Variants in EPHA4 observed in about 807,000 individuals in gnomAD.
The protein encoded by EPHA4 is EPH receptor A4.
EPHA4 carries 19 observed loss-of-function variants against 108.3 expected under a neutral mutation model. That is an observed-to-expected ratio of 0.18 (90% CI 0.12 to 0.26). The LOEUF (loss-of-function observed/expected upper bound fraction) is 0.26, where lower values mean the gene tolerates loss of function less well. Ranked by LOEUF, EPHA4 falls within the 10% of genes least tolerant of loss-of-function variation. The pLI, the probability that EPHA4 is intolerant of heterozygous loss-of-function variation, is 1.00. For synonymous variants in EPHA4, 449 were observed against 455.5 expected (o/e 0.99, Z 0.18); for missense variants, 917 against 1,254.0 (o/e 0.73, Z 4.06).
intron 7 of EPHA4, among the ~76,000 whole-genome samples, chr2:221,455,896 G>T (rs1257431580): frequency 6.6e-6 from 1 of 152,022 alleles, no homozygotes; most frequent in Non-Finnish European, 1.5e-5. Context: ...TAATTTCAAA[G>T]GATGTCAATC....
chr2:221,467,360 AC>A (rs1327654990), intron 5 of EPHA4, among the ~76,000 whole-genome samples: 1 of 152,200 alleles, frequency 6.6e-6, no homozygotes, highest in African/African-American at 2.4e-5. Flanking sequence ...AGGTTATAAA[AC>A]AAACACAAAT....
At chr2:221,516,199 G>C (rs1418341496) in intron 3 of EPHA4, among the ~76,000 whole-genome samples, 1 of 152,116 alleles carries the variant, frequency 6.6e-6, no homozygotes, top group African/African-American at 2.4e-5. Context: ...TCTGTGAAAA[G>C]GGGACCTGGA....
chr2:221,482,238 G>T, intron 5 of EPHA4, 114 bp downstream of exon 5: 1 of 1,103,006 alleles, frequency 9.1e-7, no homozygotes, highest in Non-Finnish European at 1.3e-6. Flanking sequence ...TTATAACGCA[G>T]CTCCCAGGCT....
chr2:221,501,186 G>A lies in EPHA4; in HGVS notation c.824-14C>T, dbSNP rs1559268756. 2 of 1,550,110 alleles carry A rather than the reference G, an allele frequency of 1.3e-6. No homozygotes were observed. The highest frequency in any genetic ancestry group is 1.7e-6 in the Non-Finnish European group (2 of 1,150,904). ...CAATTTTGCAAGCTGCAGGGAAGAAGAAAAAAACAAACAAATAGAAACCAC... is the reference window on the plus strand; with the variant it reads ...CAATTTTGCAAGCTGCAGGGAAGAAAAAAAAAACAAACAAATAGAAACCAC... On this transcript the variant is annotated splice_polypyrimidine_tract_variant and intron_variant, in intron 3 of 17. Coordinates refer to ENST00000281821, the MANE Select transcript of EPHA4 (RefSeq NM_004438.5).
In EPHA4 at chr2:221,564,143, G is replaced by A. The variant is rs2106209241; in HGVS notation, c.411C>T (p.Ile137=). ...CAATTTTGACAAACTGGTTCTCTCTGATGAAACGCTCTTTGTCGTTGTCTG... is the reference window on the plus strand; with the variant it reads ...CAATTTTGACAAACTGGTTCTCTCTAATGAAACGCTCTTTGTCGTTGTCTG... ...YESDNDKERF[I]RENQFVKIDT... The change falls in exon 3 of 18, where the codon ATC becomes ATT. Residue 137 remains isoleucine, a synonymous_variant. Transcript: ENST00000281821. The A allele has an allele frequency of 6.2e-7, 1 of 1,614,128 alleles. No individual in the cohort carries two copies. The highest frequency in any genetic ancestry group is 8.5e-7 in the Non-Finnish European group (1 of 1,180,028).
At chr2:221,467,884 C>T (rs868464375) in intron 5 of EPHA4, among the ~76,000 whole-genome samples, 5 of 152,118 alleles carry the variant, frequency 3.3e-5, no homozygotes, top group Admixed American at 1.3e-4. Flanking sequence ...GTGTGTGTTT[C>T]CTGTTATAAG....
chr2:221,563,608 C>A, intron 3 of EPHA4, 123 bp downstream of exon 3: 1 of 1,139,878 alleles, frequency 8.8e-7, no homozygotes. Context: ...CTCATTAGAC[C>A]CCTGTGTCCC....
At chr2:221,527,492 C>G (rs938777757) in intron 3 of EPHA4, among the ~76,000 whole-genome samples, 1 of 152,188 alleles carries the variant, frequency 6.6e-6, no homozygotes, top group Non-Finnish European at 1.5e-5. Context: ...ACAGAGGCTC[C>G]TGTGGTGAGG....
chr2:221,498,907 C>T lies in EPHA4; in HGVS notation c.979+2110G>A, dbSNP rs759739942. Among the ~76,000 whole-genome samples the T allele has an allele frequency of 1.2e-4, 18 of 150,380 alleles. 1 individual carries two copies. Among genetic ancestry groups the T allele is most frequent in the Admixed American group, 3.3e-4 (5 of 14,968 alleles). ...TCCGGTTCAAGCAATTCTCTTGCTT[C>T]AGCCTCCTGAGCAGCTGGGATTACA... On this transcript the variant is annotated intron_variant, in intron 4 of 17. Coordinates refer to ENST00000281821, the MANE Select transcript of EPHA4 (RefSeq NM_004438.5).
chr2:221,474,084 AC>A (rs1278321667), intron 5 of EPHA4, among the ~76,000 whole-genome samples: 1 of 152,228 alleles, frequency 6.6e-6, no homozygotes, highest in Admixed American at 6.5e-5. Context: ...ATGCAATCTA[AC>A]TTTTGCTTAT....
intron 14 of EPHA4, among the ~76,000 whole-genome samples, chr2:221,430,861 G>C (rs10167529): frequency 6.6e-6 from 1 of 152,034 alleles, no homozygotes; most frequent in African/African-American, 2.4e-5. Flanking sequence ...GGAGACCCTC[G>C]CACATCTAAA....
intron 3 of EPHA4, chr2:221,532,565 A>G (rs948618574): frequency 6.6e-6 from 1 of 152,278 alleles, no homozygotes; most frequent in Admixed American, 6.5e-5. Context: ...AAGGGCAGAT[A>G]TTAACTTTTA....
At chr2:221,478,695 T>C (rs1691731084) in intron 5 of EPHA4, among the ~76,000 whole-genome samples, 2 of 152,154 alleles carry the variant, frequency 1.3e-5, no homozygotes, top group Non-Finnish European at 2.9e-5. Context: ...AAGTACTCTG[T>C]CCTCAGCTCC....
In EPHA4 at chr2:221,431,363, G is replaced by A. The variant is rs933251031; in HGVS notation, c.2497-1212C>T. 2.6e-5 allele frequency among the ~76,000 whole-genome samples: 4 copies of A among 152,302 alleles called. No individual in the cohort carries two copies. The South Asian group carries it at 8.3e-4, about 32-fold the overall frequency. On this transcript the variant is annotated intron_variant, in intron 14 of 17. Transcript: ENST00000281821. ...ATTGACTGCTCAGAAATTGGCCTTC[G>A]AAAGAAAAGAGTCTGTTGGGTCCAG...
intron 2 of EPHA4, among the ~76,000 whole-genome samples, chr2:221,567,875 T>C (rs1694720112): frequency 6.6e-6 from 1 of 152,154 alleles, no homozygotes; most frequent in African/African-American, 2.4e-5. Flanking sequence ...CCTGTGAAGG[T>C]AGGATGATTT....
At chr2:221,566,079 C>A (rs1694619135) in intron 2 of EPHA4, among the ~76,000 whole-genome samples, 1 of 152,138 alleles carries the variant, frequency 6.6e-6, no homozygotes, top group Non-Finnish European at 1.5e-5. Context: ...GTGAATATTA[C>A]CAAGAAAGTA....
chr2:221,541,090 G>A (rs1693826795), intron 3 of EPHA4, among the ~76,000 whole-genome samples: 1 of 151,992 alleles, frequency 6.6e-6, no homozygotes, highest in African/African-American at 2.4e-5. Flanking sequence ...GGGACCACAG[G>A]TATGCACTAC....
intron 3 of EPHA4, among the ~76,000 whole-genome samples, chr2:221,528,473 C>T (rs1313664688): frequency 6.6e-6 from 1 of 152,210 alleles, no homozygotes; most frequent in Non-Finnish European, 1.5e-5. Flanking sequence ...AACTGCTCAC[C>T]TTAATCTTAT....
intron 3 of EPHA4, among the ~76,000 whole-genome samples, chr2:221,502,038 T>C (rs973136262): frequency 2.6e-5 from 4 of 152,070 alleles, no homozygotes; most frequent in East Asian, 1.9e-4. Context: ...ACGGGCCATA[T>C]AGTTTTTTAT....
Sources: allele counts gnomAD v4.1 joint callset (sites outside exome capture counted in the v4.1 genomes callset), GRCh38; gene constraint gnomAD v4.1.1; transcripts MANE v1.5; gene names NCBI Gene and HGNC (gene_info 2026-07-23, HGNC 2026-07-21).